SEMA5A: variants seen among roughly 807,000 people sequenced by gnomAD.
SEMA5A encodes the protein semaphorin-5A.
Under a neutral mutation model 135.5 loss-of-function variants are expected in SEMA5A, and 55 were observed. The observed-to-expected ratio is 0.41, with a 90% CI of 0.33 to 0.51. The LOEUF is 0.51. Among genes scored for constraint, SEMA5A ranks in the 20% least tolerant of loss-of-function variants. The probability of loss-of-function intolerance (pLI) is 0.37; values close to 1 mark genes in which losing one functional copy is unlikely to be tolerated. For missense variants in SEMA5A, 1,290 were observed against 1,419.9 expected (o/e 0.91, Z 1.47); for synonymous variants, 580 against 546.5 (o/e 1.06, Z -0.85).
intron 3 of SEMA5A, among the ~76,000 whole-genome samples, chr5:9,341,467 G>C (rs1181707824): frequency 6.6e-6 from 1 of 151,912 alleles, no homozygotes; most frequent in Admixed American, 6.6e-5. Context: ...AGTTCGGGGA[G>C]AGTGAGGGAG....
At chr5:9,122,263 G>A (rs546720025) in intron 14 of SEMA5A, among the ~76,000 whole-genome samples, 130 of 152,228 alleles carry the variant, frequency 8.5e-4, no homozygotes, top group African/African-American at 2.9e-3. Context: ...AATATCCTAT[G>A]GAGTAGAGCA....
At chr5:9,281,478 G>T (rs1211983780) in intron 5 of SEMA5A, among the ~76,000 whole-genome samples, 2 of 152,182 alleles carry the variant, frequency 1.3e-5, no homozygotes, top group African/African-American at 4.8e-5. Context: ...GTCCTATGCT[G>T]CCCAGGGCAG....
chr5:9,048,911 T>C (rs959809399), intron 21 of SEMA5A, among the ~76,000 whole-genome samples: 1 of 152,188 alleles, frequency 6.6e-6, no homozygotes, highest in African/African-American at 2.4e-5. Context: ...GTGAACTCAC[T>C]CCACTGACTT....
chr5:9,512,720 G>A (rs1736277096), intron 1 of SEMA5A, among the ~76,000 whole-genome samples: 2 of 152,070 alleles, frequency 1.3e-5, no homozygotes. Flanking sequence ...TCCTTTTAAG[G>A]CATTTTAAAT....
At position 9,062,914 on chromosome 5, in the gene SEMA5A, G is replaced by C. The variant is rs951153301; in HGVS notation, c.2491C>G (p.Gln831Glu). The change falls in exon 18 of 23, where the codon CAG becomes GAG. Residue 831 changes from glutamine to glutamate, a missense_variant. Coordinates refer to ENST00000382496, the MANE Select transcript of SEMA5A (RefSeq NM_003966.3). ...GGGCAGGGCAAAATGTTGCATTCCT[G>C]GTATTCCAGAGATGGGCCAAGGCAA... ...MPCLGPSLEY[Q>E]ECNILPCPVD... 1.2e-6 allele frequency: 2 copies of C among 1,614,204 alleles called. No individual in the cohort carries two copies. Among genetic ancestry groups the C allele is most frequent in the Admixed American group, 3.3e-5 (2 of 60,024 alleles).
chr5:9,153,090 A>T (rs1337023094), intron 12 of SEMA5A, among the ~76,000 whole-genome samples: 20 of 151,932 alleles, frequency 1.3e-4, no homozygotes, highest in Admixed American at 1.3e-3. Context: ...AAAAGGCAAC[A>T]ACAGGTCTGT....
At chr5:9,241,062 T>TTA (rs1292168782) in intron 5 of SEMA5A, among the ~76,000 whole-genome samples, 1 of 152,140 alleles carries the variant, frequency 6.6e-6, no homozygotes, top group Non-Finnish European at 1.5e-5. Flanking sequence ...TTTGTCTGCA[T>TTA]TATATATTTC....
chr5:9,174,396 T>C lies in SEMA5A; in HGVS notation c.1273+15871A>G, dbSNP rs1744094669. ...TTCTGTTCCTTAAGGTATCTTGGTA[T>C]CCTCATCTTCTCTGCAAAGGCTTTT... is the stretch of plus-strand genomic sequence containing the variant. On this transcript the variant is annotated intron_variant, in intron 11 of 22. Transcript: ENST00000382496. Among the ~76,000 whole-genome samples the C allele has an allele frequency of 2.6e-5, 4 of 152,256 alleles. No individual in the cohort carries two copies. The South Asian group carries it at 8.3e-4, about 31-fold the overall frequency.
intron 2 of SEMA5A, among the ~76,000 whole-genome samples, chr5:9,383,963 C>T (rs906152962): frequency 2.6e-5 from 4 of 152,096 alleles, no homozygotes; most frequent in Admixed American, 6.5e-5. Flanking sequence ...AAATGGAACA[C>T]GTAGTTCAAG....
chr5:9,112,595 G>A (rs1187038193), intron 15 of SEMA5A, among the ~76,000 whole-genome samples: 1 of 152,188 alleles, frequency 6.6e-6, no homozygotes, highest in Non-Finnish European at 1.5e-5. Flanking sequence ...AAGAACATCA[G>A]TTTGGCTCAC....
intron 6 of SEMA5A, among the ~76,000 whole-genome samples, chr5:9,230,012 G>A (rs967250254): frequency 1.3e-5 from 2 of 152,034 alleles, no homozygotes; most frequent in East Asian, 1.9e-4. Context: ...TGAGACAAGG[G>A]TTCACTCTGT....
intron 11 of SEMA5A, among the ~76,000 whole-genome samples, chr5:9,174,727 G>C (rs1255967822): frequency 6.6e-6 from 1 of 152,096 alleles, no homozygotes; most frequent in African/African-American, 2.4e-5. Context: ...TCAAAGCCAA[G>C]GCAGAAAAAA....
At chr5:9,144,363 A>G (rs1339456886) in intron 12 of SEMA5A, among the ~76,000 whole-genome samples, 3 of 152,246 alleles carry the variant, frequency 2.0e-5, no homozygotes, top group Non-Finnish European at 4.4e-5. Context: ...TTTTTACTCA[A>G]AACCTTAAAA....
intron 2 of SEMA5A, among the ~76,000 whole-genome samples, chr5:9,418,739 C>CATGTACTACA (rs1757366995): frequency 1.3e-5 from 2 of 152,182 alleles, no homozygotes; most frequent in Non-Finnish European, 2.9e-5. Context: ...ACTACATATA[C>CATGTACTACA]TCCTGGTGCT....
At chr5:9,374,462 C>T (rs1406294994) in intron 3 of SEMA5A, among the ~76,000 whole-genome samples, 1 of 152,140 alleles carries the variant, frequency 6.6e-6, no homozygotes, top group South Asian at 2.1e-4. Context: ...ATCCGGTTCT[C>T]CCTTTATTTC....
In SEMA5A at chr5:9,051,822, C is replaced by T. The variant is rs767518229; in HGVS notation, c.2845+51G>A. 3.1e-6 allele frequency: 5 copies of T among 1,606,088 alleles called. No homozygotes were observed. In the African/African-American group the frequency reaches 6.7e-5, roughly 21 times the overall value. Reference sequence around the variant, plus strand: ...CTCTGACCTATGAATCATTTTCTCTCTCCATGTTGGAAATGATTTTATTCT... The same window carrying T: ...CTCTGACCTATGAATCATTTTCTCTTTCCATGTTGGAAATGATTTTATTCT... On this transcript the variant is annotated intron_variant, in intron 20 of 22. Coordinates refer to ENST00000382496, the MANE Select transcript of SEMA5A (RefSeq NM_003966.3).
intron 8 of SEMA5A, among the ~76,000 whole-genome samples, chr5:9,217,121 C>T (rs1746674058): frequency 6.6e-6 from 1 of 152,120 alleles, no homozygotes; most frequent in Non-Finnish European, 1.5e-5. Context: ...TGGTAGCAGT[C>T]TTTCCTTTCT....
intron 8 of SEMA5A, among the ~76,000 whole-genome samples, chr5:9,211,485 C>T (rs1371286458): frequency 6.6e-6 from 1 of 152,168 alleles, no homozygotes; most frequent in Non-Finnish European, 1.5e-5. Flanking sequence ...CTCTTGCAGA[C>T]CAGTCACACC....
intron 5 of SEMA5A, among the ~76,000 whole-genome samples, chr5:9,298,835 A>G (rs763741514): frequency 1.2e-4 from 19 of 152,222 alleles, no homozygotes; most frequent in Non-Finnish European, 2.6e-4. Context: ...ATCGTCAAAC[A>G]TTTTAAAATA....
Sources: gnomAD v4.1 joint callset for allele counts (sites outside exome capture counted in the v4.1 genomes callset) on GRCh38, gnomAD v4.1.1 for gene constraint, MANE v1.5 for transcripts, NCBI Gene and HGNC (gene_info 2026-07-23, HGNC 2026-07-21) for gene names.